Variants in IGF1R observed in about 807,000 individuals in gnomAD.
IGF1R encodes the protein insulin like growth factor 1 receptor, also known as insulin-like growth factor 1 receptor.
A neutral mutation model predicts 144.6 loss-of-function variants in IGF1R; 44 were observed. The observed-to-expected ratio is 0.30, with a 90% CI of 0.24 to 0.39. The LOEUF (loss-of-function observed/expected upper bound fraction) is 0.39. Among genes scored for constraint, IGF1R ranks in the 10% least tolerant of loss-of-function variants. The pLI is 1.00. For synonymous variants in IGF1R, 795 were observed against 722.8 expected (o/e 1.10, Z -1.60); for missense variants, 1,355 against 1,833.7 (o/e 0.74, Z 4.77).
chr15:98,679,838 G>A (rs1053531552), intron 1 of IGF1R, among the ~76,000 whole-genome samples: 3 of 152,122 alleles, frequency 2.0e-5, no homozygotes, highest in African/African-American at 7.2e-5. Flanking sequence ...GACTTCCAGT[G>A]GGACAGGATA....
chr15:98,701,020 C>A (rs1465144714), intron 1 of IGF1R, among the ~76,000 whole-genome samples: 1 of 152,012 alleles, frequency 6.6e-6, no homozygotes, highest in East Asian at 1.9e-4. Context: ...CCTCTTAAAT[C>A]ATTTTGACTT....
rs751737832 is a variant in IGF1R at position 98,916,817 on chromosome 15, G to A, written c.2142G>A (p.Glu714=). The change falls in exon 10 of 21, where the codon GAG becomes GAA. Residue 714 remains glutamate, a synonymous_variant. Transcript: ENST00000650285. ...AAGCCGAGAAGCAGGCCGAGAAGGA[G>A]GAGGCTGAATACCGCAAAGTCTTTG... The part of the protein sequence containing the change: ...KTEAEKQAEK[E]EAEYRKVFEN... 1 of 1,614,138 alleles carries A rather than the reference G, an allele frequency of 6.2e-7. No homozygotes were observed. Among genetic ancestry groups the A allele is most frequent in the South Asian group, 1.1e-5 (1 of 91,070 alleles).
chr15:98,894,686 C>G (rs546368890), intron 3 of IGF1R, among the ~76,000 whole-genome samples: 1 of 152,250 alleles, frequency 6.6e-6, no homozygotes, highest in Non-Finnish European at 1.5e-5. Flanking sequence ...GGTGGATCAC[C>G]TGAGGTCAAG....
chr15:98,944,411 G>A (rs1334217341), intron 19 of IGF1R, among the ~76,000 whole-genome samples: 4 of 152,178 alleles, frequency 2.6e-5, no homozygotes, highest in Non-Finnish European at 5.9e-5. Context: ...ATAGGCGTTT[G>A]GTATTCATTC....
At chr15:98,873,416 G>C (rs1427263834) in intron 2 of IGF1R, among the ~76,000 whole-genome samples, 1 of 152,186 alleles carries the variant, frequency 6.6e-6, no homozygotes, top group African/African-American at 2.4e-5. Flanking sequence ...AAGCAAGATC[G>C]CTGGCTGCTT....
At chr15:98,869,286 C>A (rs2012639186) in intron 2 of IGF1R, among the ~76,000 whole-genome samples, 1 of 125,852 alleles carries the variant, frequency 7.9e-6, no homozygotes, top group African/African-American at 3.2e-5. Context: ...AGACAGCTTT[C>A]AATTAAAAAA....
rs116208258 is a variant in IGF1R, at chr15:98,709,712, G to T, written c.640+1605G>T. On this transcript the variant is annotated intron_variant, in intron 2 of 20. Coordinates refer to ENST00000650285, the MANE Select transcript of IGF1R (RefSeq NM_000875.5). ...ACCTTGGATGGGCCAGCCCTTCTGG[G>T]CTGTAGTTGGGCTTTTTTAGGATAT... Among the ~76,000 whole-genome samples the T allele has an allele frequency of 5.8e-3, 876 of 152,326 alleles. 8 individuals carry two copies. The highest frequency in any genetic ancestry group is 0.02 in the African/African-American group (849 of 41,568).
chr15:98,788,725 T>C (rs1339040926), intron 2 of IGF1R, among the ~76,000 whole-genome samples: 1 of 152,226 alleles, frequency 6.6e-6, no homozygotes, highest in Non-Finnish European at 1.5e-5. Flanking sequence ...TCCTAATCCC[T>C]GTTCTGGCCG....
At chr15:98,853,604 T>G (rs2011632858) in intron 2 of IGF1R, among the ~76,000 whole-genome samples, 1 of 152,250 alleles carries the variant, frequency 6.6e-6, no homozygotes, top group Non-Finnish European at 1.5e-5. Context: ...AAAAGCCTTT[T>G]CAGCATAAAA....
rs1292943665 is a variant in IGF1R at position 98,669,557 on chromosome 15, A to G, written c.94+19882A>G. On this transcript the variant is annotated intron_variant, in intron 1 of 20. Coordinates refer to ENST00000650285, the MANE Select transcript of IGF1R (RefSeq NM_000875.5). ...ATGGACAGAGAAAGGTGAGGGTTAGATATCTGGACAGGGCATGACAGGGCG... is the reference window on the plus strand; with the variant it reads ...ATGGACAGAGAAAGGTGAGGGTTAGGTATCTGGACAGGGCATGACAGGGCG... 2.0e-5 allele frequency among the ~76,000 whole-genome samples: 3 copies of G among 152,162 alleles called. No individual in the cohort carries two copies. The East Asian group carries it at 5.8e-4, about 29-fold the overall frequency.
chr15:98,899,676 T>A lies in IGF1R; in HGVS notation c.1247+55T>A, dbSNP rs151247481. On this transcript the variant is annotated intron_variant, in intron 5 of 20. Transcript: ENST00000650285. ...TTCTATTACAAAATAAGCAGCGTGC[T>A]TATGAAACTGTGTTGCTGAGGTAAG... is the stretch of plus-strand genomic sequence containing the variant. 30 of 1,571,214 alleles carry A rather than the reference T, an allele frequency of 1.9e-5. No individual in the cohort carries two copies. In the East Asian group the frequency reaches 6.7e-4, roughly 35 times the overall value.
rs1464003933 is a variant in IGF1R, at chr15:98,707,328, G to T, written c.95-234G>T. Among the ~76,000 whole-genome samples, 1 of 152,130 alleles carries T rather than the reference G, an allele frequency of 6.6e-6. No individual in the cohort carries two copies. Among genetic ancestry groups the T allele is most frequent in the Non-Finnish European group, 1.5e-5 (1 of 68,038 alleles). On this transcript the variant is annotated intron_variant, in intron 1 of 20. Transcript: ENST00000650285. The surrounding 1 kb of genome is among the most constrained non-coding windows in gnomAD (Gnocchi z 6.7). ...AACGGGGATGGCCTCTCCCATGGTC[G>T]GTTGGAGTGTGTTGCACAGCGTCTG...
At chr15:98,741,200 G>C (rs757338794) in intron 2 of IGF1R, among the ~76,000 whole-genome samples, 1 of 127,252 alleles carries the variant, frequency 7.9e-6, no homozygotes, top group Non-Finnish European at 1.6e-5. Context: ...CTCCATTGCA[G>C]TTCTGTTGAT....
intron 2 of IGF1R, among the ~76,000 whole-genome samples, chr15:98,736,950 C>T (rs1388977280): frequency 1.3e-5 from 2 of 152,084 alleles, no homozygotes; most frequent in South Asian, 2.1e-4. Context: ...ATTCACCACA[C>T]CCCAACATGG....
chr15:98,649,033 G>T lies in IGF1R; in HGVS notation c.-549G>T. ...AGGAGGCGGCGGCGAGCGGAGCCAG[G>T]AGGAGGAGGAGGAGGGGGAGCCGCT... On this transcript the variant is annotated 5_prime_UTR_variant, in exon 1 of 21. Transcript: ENST00000650285. 4.9e-6 allele frequency: 1 copy of T among 204,464 alleles called. No individual in the cohort carries two copies. Among genetic ancestry groups the T allele is most frequent in the South Asian group, 1.7e-4 (1 of 5,958 alleles). The allele number at this position is 204,464 out of a possible 1,614,324, so 12.7% of individuals were successfully genotyped here.
intron 2 of IGF1R, among the ~76,000 whole-genome samples, chr15:98,829,422 A>G (rs773546861): frequency 1.3e-5 from 2 of 152,114 alleles, no homozygotes; most frequent in African/African-American, 4.8e-5. Context: ...CGGGTGTTAT[A>G]CAAATATGTA....
chr15:98,872,447 C>T (rs935326234), intron 2 of IGF1R, among the ~76,000 whole-genome samples: 6 of 152,206 alleles, frequency 3.9e-5, no homozygotes, highest in Non-Finnish European at 8.8e-5. Flanking sequence ...CTGGACATCT[C>T]TCCTACCCCA....
At chr15:98,656,984 T>C (rs142354768) in intron 1 of IGF1R, among the ~76,000 whole-genome samples, 1 of 152,366 alleles carries the variant, frequency 6.6e-6, no homozygotes, top group Non-Finnish European at 1.5e-5. Flanking sequence ...AGAACAAATA[T>C]ATTTTGATAG....
At chr15:98,710,098 G>GA (rs902422005) in intron 2 of IGF1R, among the ~76,000 whole-genome samples, 1 of 152,178 alleles carries the variant, frequency 6.6e-6, no homozygotes, top group Non-Finnish European at 1.5e-5. Flanking sequence ...AAGGAGGAAG[G>GA]AAAAGCACCG....
Sources: gnomAD v4.1 joint callset for allele counts (sites outside exome capture counted in the v4.1 genomes callset) on GRCh38, gnomAD v4.1.1 for gene constraint, Gnocchi (gnomAD v3.1) non-coding constraint, MANE v1.5 for transcripts, NCBI Gene and HGNC (gene_info 2026-07-23, HGNC 2026-07-21) for gene names.